The following SP100 variants were observed in gnomAD, a reference collection of about 807,000 sequenced individuals.
SP100 encodes the protein nuclear autoantigen Sp-100.
SP100 carries 84 observed loss-of-function variants against 130.0 expected under a neutral mutation model. The ratio of observed to expected loss-of-function variants is 0.65; its 90% CI spans 0.54 to 0.77. The LOEUF (loss-of-function observed/expected upper bound fraction) is 0.77. Among genes scored for constraint, SP100 ranks in the 30% least tolerant of loss-of-function variants. SP100 has a pLI of 0.00. For missense variants in SP100, 978 were observed against 1,052.2 expected (o/e 0.93, Z 0.97); for synonymous variants, 331 against 351.7 (o/e 0.94, Z 0.66).
chr2:230,535,118 C>T (rs1279400829), intron 24 of SP100, among the ~76,000 whole-genome samples: 1 of 152,082 alleles, frequency 6.6e-6, no homozygotes, highest in Non-Finnish European at 1.5e-5. Context: ...ATTCCTTGAA[C>T]CTGGGAGGTG....
chr2:230,501,843 C>T (rs930084532), intron 19 of SP100, among the ~76,000 whole-genome samples: 2 of 151,522 alleles, frequency 1.3e-5, no homozygotes, highest in Admixed American at 6.6e-5. Context: ...TTGGACACAC[C>T]GATCAACACA....
At chr2:230,514,966 T>G in intron 24 of SP100, 1 of 1,485,650 alleles carries the variant, frequency 6.7e-7, no homozygotes, top group Non-Finnish European at 8.9e-7. Flanking sequence ...CTGGCGCAAG[T>G]GAGAGCTGGA....
At chr2:230,498,573 T>C (rs1164103895) in intron 19 of SP100, 38 bp downstream of exon 19, 5 of 1,132,628 alleles carry the variant, frequency 4.4e-6, no homozygotes, top group African/African-American at 3.3e-5. Context: ...AAATAACGTC[T>C]AAATTCTCAT....
At chr2:230,428,497 C>T (rs917859876) in intron 2 of SP100, among the ~76,000 whole-genome samples, 7 of 150,694 alleles carry the variant, frequency 4.6e-5, no homozygotes, top group African/African-American at 7.3e-5. Flanking sequence ...GGCTGGAGTG[C>T]GGTGGCGCGA....
At position 230,544,274 on chromosome 2, in the gene SP100, C is replaced by A. The variant is rs1234976241; in HGVS notation, c.*1328C>A. The stretch of plus-strand genomic sequence containing the variant: ...AAGACAAAAGCAATAGCAACAAAAG[C>A]AAAATTTGACAAATGGGATCTAATT... On this transcript the variant is annotated 3_prime_UTR_variant, in exon 29 of 29. Transcript: ENST00000340126. 7.2e-5 allele frequency among the ~76,000 whole-genome samples: 11 copies of A among 152,198 alleles called. No homozygotes were observed. The East Asian group carries it at 1.9e-3, about 27-fold the overall frequency.
rs752528391 is a variant in SP100, at chr2:230,542,012, C to A, written c.2524C>A (p.His842Asn). The part of the protein sequence containing the change: ...GFVQDMRLIF[H>N]NHKEFYREDK... ...TGTGCAGGACATGCGTCTCATCTTTCATAACCACAAGGAATTTTACAGGGT... is the reference window on the plus strand; with the variant it reads ...TGTGCAGGACATGCGTCTCATCTTTAATAACCACAAGGAATTTTACAGGGT... Residue 842 changes from histidine (H) to asparagine (N), a missense_variant, in exon 28 of 29, where the codon CAT becomes AAT. His to Asn is a moderately conservative substitution (Grantham distance 68). Transcript: ENST00000340126. 1.9e-6 allele frequency: 3 copies of A among 1,613,954 alleles called. No individual in the cohort carries two copies. Among genetic ancestry groups the A allele is most frequent in the East Asian group, 4.5e-5 (2 of 44,894 alleles).
At chr2:230,457,045 C>T (rs1372734397) in intron 8 of SP100, among the ~76,000 whole-genome samples, 1 of 152,206 alleles carries the variant, frequency 6.6e-6, no homozygotes, top group Non-Finnish European at 1.5e-5. Flanking sequence ...CTAGTCTTTG[C>T]AGGCTGACTT....
intron 24 of SP100, chr2:230,514,988 C>T (rs1249337029): frequency 8.4e-6 from 13 of 1,538,738 alleles, no homozygotes; most frequent in African/African-American, 5.5e-5. Context: ...AGGCCCTGGG[C>T]GACTCTGTAC....
chr2:230,430,716 A>C (rs1333808112), intron 2 of SP100, among the ~76,000 whole-genome samples: 1 of 152,194 alleles, frequency 6.6e-6, no homozygotes, highest in Admixed American at 6.5e-5. Flanking sequence ...CTGCCTGGGC[A>C]TGGCCATAGG....
intron 24 of SP100, among the ~76,000 whole-genome samples, chr2:230,526,116 G>C (rs1324963569): frequency 6.6e-6 from 1 of 152,210 alleles, no homozygotes; most frequent in East Asian, 1.9e-4. Flanking sequence ...GCGGGTCCCT[G>C]ACCCCCAGGT....
chr2:230,521,420 T>C (rs972760132), intron 24 of SP100, among the ~76,000 whole-genome samples: 2 of 152,204 alleles, frequency 1.3e-5, no homozygotes, highest in African/African-American at 4.8e-5. Context: ...CCCCGGTGCC[T>C]GCCTAACTGA....
chr2:230,526,182 G>T (rs1029543066), intron 24 of SP100, among the ~76,000 whole-genome samples: 1 of 152,086 alleles, frequency 6.6e-6, no homozygotes, highest in Non-Finnish European at 1.5e-5. Flanking sequence ...AAACAGGCAG[G>T]TGCCCCTCCG....
At chr2:230,488,585 TA>T (rs1422490650) in intron 17 of SP100, among the ~76,000 whole-genome samples, 10 of 152,066 alleles carry the variant, frequency 6.6e-5, no homozygotes, top group Admixed American at 3.3e-4. Context: ...GGCTAATTTT[TA>T]GCATTTTTAG....
chr2:230,464,302 GC>G (rs1226954518), intron 11 of SP100, 152 bp downstream of exon 11: 23 of 593,050 alleles, frequency 3.9e-5, no homozygotes, highest in Non-Finnish European at 6.8e-5. Context: ...AACCTCTCTG[GC>G]CCTGTTGAGA....
intron 2 of SP100, among the ~76,000 whole-genome samples, chr2:230,422,245 C>T (rs1431757642): frequency 1.3e-5 from 2 of 151,922 alleles, no homozygotes; most frequent in South Asian, 2.1e-4. Context: ...TTAAATTTTA[C>T]GTTTCTTCCA....
intron 17 of SP100, among the ~76,000 whole-genome samples, chr2:230,488,382 GTTTT>G (rs575655262): frequency 1.3e-5 from 2 of 151,902 alleles, no homozygotes; most frequent in African/African-American, 2.4e-5. Flanking sequence ...TTTATTGAGA[GTTTT>G]TTTTGTTTGT....
chr2:230,439,938 G>T (rs1282058460), intron 2 of SP100, among the ~76,000 whole-genome samples: 1 of 151,788 alleles, frequency 6.6e-6, no homozygotes. Flanking sequence ...TATTTTCAGT[G>T]TTACATAAGG....
At chr2:230,427,407 C>T (rs999960985) in intron 2 of SP100, among the ~76,000 whole-genome samples, 4 of 152,068 alleles carry the variant, frequency 2.6e-5, no homozygotes, top group Admixed American at 1.3e-4. Context: ...AGTGATCATC[C>T]GCCTGGGCCT....
chr2:230,441,493 C>T (rs2063466804), intron 2 of SP100, among the ~76,000 whole-genome samples: 1 of 152,094 alleles, frequency 6.6e-6, no homozygotes, highest in East Asian at 1.9e-4. Context: ...ACTCCAATGA[C>T]CATGAACAGA....
Sources: allele counts gnomAD v4.1 joint callset (sites outside exome capture counted in the v4.1 genomes callset), GRCh38; gene constraint gnomAD v4.1.1; transcripts MANE v1.5; gene names NCBI Gene and HGNC (gene_info 2026-07-23, HGNC 2026-07-21).